Variants in IGF1R observed in about 807,000 individuals in gnomAD.
IGF1R encodes the protein insulin-like growth factor 1 receptor.
IGF1R carries 44 observed loss-of-function variants against 144.6 expected under a neutral mutation model. That is an observed-to-expected ratio of 0.30 (90% confidence interval 0.24 to 0.39). IGF1R has a LOEUF of 0.39. Ranked by LOEUF, IGF1R falls within the 10% of genes least tolerant of loss-of-function variation. The pLI, the probability that IGF1R is intolerant of heterozygous loss-of-function variation, is 1.00. For synonymous variants in IGF1R, 795 were observed against 722.8 expected (o/e 1.10, Z -1.60); for missense variants, 1,355 against 1,833.7 (o/e 0.74, Z 4.77).
rs1164747087 is a variant in IGF1R, at chr15:98,917,495, T to C, written c.2201+619T>C. ...CAGGGACTCTGCTCCTCTGCTGTGGTCTTGGTTTCTGGGGAGTGGGGACAA... is the reference window on the plus strand; with the variant it reads ...CAGGGACTCTGCTCCTCTGCTGTGGCCTTGGTTTCTGGGGAGTGGGGACAA... On this transcript the variant is annotated intron_variant, in intron 10 of 20. Coordinates refer to ENST00000650285, the MANE Select transcript of IGF1R (RefSeq NM_000875.5). Among the ~76,000 whole-genome samples the C allele has an allele frequency of 3.9e-5, 6 of 152,338 alleles. No homozygotes were observed. In the East Asian group the frequency reaches 1.2e-3, roughly 29 times the overall value.
intron 2 of IGF1R, among the ~76,000 whole-genome samples, chr15:98,849,883 G>GA (rs1275603932): frequency 6.6e-6 from 1 of 152,152 alleles, no homozygotes. Context: ...TCTCATATTG[G>GA]AAAAAATCCA....
At chr15:98,905,856 T>A (rs1219065658) in intron 5 of IGF1R, among the ~76,000 whole-genome samples, 1 of 152,240 alleles carries the variant, frequency 6.6e-6, no homozygotes, top group Non-Finnish European at 1.5e-5. Context: ...TTTTACCTTC[T>A]CTTAATTCTC....
chr15:98,666,965 G>T (rs2141188196), intron 1 of IGF1R, among the ~76,000 whole-genome samples: 1 of 152,132 alleles, frequency 6.6e-6, no homozygotes, highest in Non-Finnish European at 1.5e-5. Flanking sequence ...TATATGTGTG[G>T]AATAGTTGGG....
chr15:98,696,176 C>T (rs2053593820), intron 1 of IGF1R, among the ~76,000 whole-genome samples: 1 of 152,132 alleles, frequency 6.6e-6, no homozygotes, highest in South Asian at 2.1e-4. Flanking sequence ...TATTTCCTCT[C>T]TATTGCAATT....
intron 2 of IGF1R, among the ~76,000 whole-genome samples, chr15:98,782,303 A>C (rs1207548710): frequency 6.6e-6 from 1 of 152,200 alleles, no homozygotes; most frequent in Non-Finnish European, 1.5e-5. Flanking sequence ...TAAGTGGAAA[A>C]CATCTTATTT....
chr15:98,740,352 G>A lies in IGF1R; in HGVS notation c.640+32245G>A, dbSNP rs74032568. ...GGCCATTCTCTAAGATGATAAATGG[G>A]ACTAAGAGTAAATGCAGGCTGAAAA... On this transcript the variant is annotated intron_variant, in intron 2 of 20. Coordinates refer to ENST00000650285, the MANE Select transcript of IGF1R (RefSeq NM_000875.5). 3.8e-3 allele frequency among the ~76,000 whole-genome samples: 574 copies of A among 152,252 alleles called. 2 individuals are homozygous for A. The highest frequency in any genetic ancestry group is 0.013 in the African/African-American group (541 of 41,532).
intron 2 of IGF1R, among the ~76,000 whole-genome samples, chr15:98,817,749 G>C (rs142902181): frequency 6.6e-6 from 1 of 152,214 alleles, no homozygotes; most frequent in Non-Finnish European, 1.5e-5. Context: ...CTCCCTCTCT[G>C]TGTTCATTTC....
intron 2 of IGF1R, among the ~76,000 whole-genome samples, chr15:98,715,741 A>G (rs1482980120): frequency 6.6e-6 from 1 of 152,050 alleles, no homozygotes; most frequent in Admixed American, 6.5e-5. Context: ...TATGGTGTGA[A>G]TCAGGGACTC....
chr15:98,958,828 G>C lies in IGF1R; in HGVS notation c.*1386G>C. 2 of 233,550 alleles carry C rather than the reference G, an allele frequency of 8.6e-6. No individual in the cohort carries two copies. Among genetic ancestry groups the C allele is most frequent in the Admixed American group, 5.6e-5 (1 of 17,790 alleles). The allele number at this position is 233,550 out of a possible 1,614,324, so 14.5% of individuals were successfully genotyped here. A position where few individuals can be genotyped will look rare whatever the true frequency, so the allele number is the denominator to read the frequency against. On this transcript the variant is annotated 3_prime_UTR_variant, in exon 21 of 21. Transcript: ENST00000650285. ...TCTTATGCTTTGTACTAGAGTGCGTGACTTTCTTCCTCTTTTCCCGGTAAT... is the reference window on the plus strand; with the variant it reads ...TCTTATGCTTTGTACTAGAGTGCGTCACTTTCTTCCTCTTTTCCCGGTAAT...
At chr15:98,787,800 G>T (rs923888489) in intron 2 of IGF1R, among the ~76,000 whole-genome samples, 1 of 152,200 alleles carries the variant, frequency 6.6e-6, no homozygotes, top group African/African-American at 2.4e-5. Context: ...GGAACACTCA[G>T]CTGGAGGTGT....
chr15:98,700,987 G>T (rs1421960259), intron 1 of IGF1R, among the ~76,000 whole-genome samples: 4 of 151,986 alleles, frequency 2.6e-5, no homozygotes, highest in Admixed American at 2.0e-4. Context: ...GCAAAATTCA[G>T]TGATACACTA....
In IGF1R at chr15:98,804,452, CTTTTGTTTTTGT is replaced by C. The variant is rs113749018; in HGVS notation, c.641-86856_641-86845del. 1.4e-4 allele frequency among the ~76,000 whole-genome samples: 21 copies of C among 151,982 alleles called. No individual in the cohort carries two copies. The South Asian group carries it at 1.9e-3, about 14-fold the overall frequency. ...TAGAGGGGAAGAAATAAACACATGACTTTTGTTTTTGTTTTTGTTTTTGTTTTTTGAAAGAAG... is the reference window on the plus strand; with the variant it reads ...TAGAGGGGAAGAAATAAACACATGACTTTTGTTTTTGTTTTTTGAAAGAAG... On this transcript the variant is annotated intron_variant, in intron 2 of 20. Coordinates refer to ENST00000650285, the MANE Select transcript of IGF1R (RefSeq NM_000875.5).
intron 2 of IGF1R, among the ~76,000 whole-genome samples, chr15:98,816,481 G>A (rs935176965): frequency 2.6e-5 from 4 of 152,134 alleles, no homozygotes; most frequent in African/African-American, 7.2e-5. Context: ...CTCCCCATCG[G>A]CCCACCCCAT....
rs563612799 is a variant in IGF1R at position 98,724,114 on chromosome 15, G to C, written c.640+16007G>C. On this transcript the variant is annotated intron_variant, in intron 2 of 20. Transcript: ENST00000650285. ...TATTTTGTTATCCTTTAAGGTTATTGTAAATGAGGAGACTTTTGAACTCAC... is the reference window on the plus strand; with the variant it reads ...TATTTTGTTATCCTTTAAGGTTATTCTAAATGAGGAGACTTTTGAACTCAC... Among the ~76,000 whole-genome samples, 5 of 152,282 alleles carry C rather than the reference G, an allele frequency of 3.3e-5. No homozygotes were observed. In the South Asian group the frequency reaches 1.0e-3, roughly 32 times the overall value.
At chr15:98,701,752 T>A (rs2053738825) in intron 1 of IGF1R, among the ~76,000 whole-genome samples, 1 of 152,232 alleles carries the variant, frequency 6.6e-6, no homozygotes, top group Admixed American at 6.5e-5. Context: ...TCAGTGTTTT[T>A]GCTAATTCAT....
intron 2 of IGF1R, among the ~76,000 whole-genome samples, chr15:98,871,145 A>T (rs576588081): frequency 2.8e-4 from 43 of 152,354 alleles, no homozygotes; most frequent in African/African-American, 1.0e-3. Context: ...GATTCCTTTG[A>T]CCTGGGAAGT....
In IGF1R at chr15:98,865,440, G is replaced by C. The variant is rs531735964; in HGVS notation, c.641-25885G>C. 6.8e-4 allele frequency among the ~76,000 whole-genome samples: 104 copies of C among 152,316 alleles called. No homozygotes were observed. The South Asian group carries it at 0.021, about 31-fold the overall frequency. ...GGGCTCCTGCAGCCGCCAAGGAGGG[G>C]CTGGCTGGAGGTGGGGCTCGGCGTG... On this transcript the variant is annotated intron_variant, in intron 2 of 20. Coordinates refer to ENST00000650285, the MANE Select transcript of IGF1R (RefSeq NM_000875.5).
Position 98,913,246 on chromosome 15 carries a change from A to G in IGF1R, c.1792A>G (p.Lys598Glu). 6.2e-7 allele frequency: 1 copy of G among 1,614,196 alleles called. No individual in the cohort carries two copies. The highest frequency in any genetic ancestry group is 8.5e-7 in the Non-Finnish European group (1 of 1,180,002). ...MVENDHIRGA[K>E]SEILYIRTNA... ...GGAGAACGACCATATCCGTGGGGCC[A>G]AGAGTGAGATCTTGTACATTCGCAC... Residue 598 changes from lysine (K) to glutamate (E), a missense_variant, in exon 8 of 21, where the codon AAG (lysine) becomes GAG (glutamate). Lys to Glu is a moderately conservative substitution (Grantham distance 56). Transcript: ENST00000650285.
chr15:98,829,538 G>A (rs1476323507), intron 2 of IGF1R, among the ~76,000 whole-genome samples: 1 of 152,176 alleles, frequency 6.6e-6, no homozygotes, highest in African/African-American at 2.4e-5. Flanking sequence ...GTCTGTGGGG[G>A]ATGATGTCTG....
Sources: allele counts gnomAD v4.1 joint callset (sites outside exome capture counted in the v4.1 genomes callset), GRCh38; gene constraint gnomAD v4.1.1; transcripts MANE v1.5; gene names NCBI Gene and HGNC (gene_info 2026-07-23, HGNC 2026-07-21).